Variants in POT1 observed in about 807,000 individuals in gnomAD.
POT1 encodes the protein protection of telomeres 1, also known as protection of telomeres protein 1.
POT1 carries 47 observed loss-of-function variants against 78.5 expected under a neutral mutation model. The ratio of observed to expected loss-of-function variants is 0.60; its 90% CI spans 0.47 to 0.76. The LOEUF (loss-of-function observed/expected upper bound fraction) is 0.76, where lower values mean the gene tolerates loss of function less well. POT1 is among the 30% of genes least tolerant of loss of function. The pLI, the probability that POT1 is intolerant of heterozygous loss-of-function variation, is 0.00. For synonymous variants in POT1, 259 were observed against 260.7 expected (o/e 0.99, Z 0.06); for missense variants, 646 against 749.9 (o/e 0.86, Z 1.62).
intron 7 of POT1, among the ~76,000 whole-genome samples, chr7:124,868,576 C>T (rs902625359): frequency 2.6e-5 from 4 of 151,350 alleles, no homozygotes; most frequent in Non-Finnish European, 5.9e-5. Flanking sequence ...TTTCAAAATA[C>T]TAAACATTTC....
At chr7:124,844,719 C>T (rs1204879927) in intron 12 of POT1, among the ~76,000 whole-genome samples, 3 of 105,664 alleles carry the variant, frequency 2.8e-5, no homozygotes, top group South Asian at 3.4e-4. Flanking sequence ...TGGGCGACAG[C>T]GAGACTCCGC....
intron 11 of POT1, among the ~76,000 whole-genome samples, chr7:124,847,647 T>TA (rs1277161144): frequency 6.6e-6 from 1 of 152,250 alleles, no homozygotes; most frequent in Non-Finnish European, 1.5e-5. Context: ...CTTCAAGACT[T>TA]ACTATAAACT....
At chr7:124,891,394 T>G (rs117284202) in intron 6 of POT1, among the ~76,000 whole-genome samples, 1,756 of 151,774 alleles carry the variant, frequency 0.012, 20 homozygotes, top group South Asian at 0.035. Context: ...TCATTTAGCC[T>G]ATGTGTGTCC....
At chr7:124,915,370 G>A (rs1370382576) in intron 3 of POT1, among the ~76,000 whole-genome samples, 1 of 152,118 alleles carries the variant, frequency 6.6e-6, no homozygotes, top group African/African-American at 2.4e-5. Flanking sequence ...TATGTAACAT[G>A]TTAAAAGCCA....
chr7:124,833,107 AT>A (rs1460825629), intron 15 of POT1, among the ~76,000 whole-genome samples: 1 of 152,066 alleles, frequency 6.6e-6, no homozygotes, highest in African/African-American at 2.4e-5. Flanking sequence ...ATTAAAAATC[AT>A]TTTATTTTCA....
chr7:124,862,234 C>T (rs1795615305), intron 8 of POT1, among the ~76,000 whole-genome samples: 1 of 152,124 alleles, frequency 6.6e-6, no homozygotes, highest in African/African-American at 2.4e-5. Context: ...ACTATTTCAG[C>T]TAAAAGTTGG....
intron 16 of POT1, chr7:124,828,832 C>A: frequency 4.0e-6 from 2 of 500,798 alleles, no homozygotes; most frequent in Admixed American, 2.0e-5. Context: ...AAAACAAAAC[C>A]AAGTGTACAA....
chr7:124,893,703 T>C (rs1039059235), intron 5 of POT1, among the ~76,000 whole-genome samples: 1 of 151,620 alleles, frequency 6.6e-6, no homozygotes, highest in East Asian at 1.9e-4. Context: ...AACCCATGCA[T>C]TAATGTGAAG....
chr7:124,926,766 C>A (rs1199667009), intron 2 of POT1, among the ~76,000 whole-genome samples: 1 of 152,158 alleles, frequency 6.6e-6, no homozygotes, highest in Non-Finnish European at 1.5e-5. Context: ...GAAATTATGT[C>A]TTTTGCAGCA....
chr7:124,871,730 A>ATT (rs1562997652), intron 6 of POT1, among the ~76,000 whole-genome samples: 1 of 100,138 alleles, frequency 1.0e-5, no homozygotes, highest in African/African-American at 3.9e-5. Context: ...CCTGCCTTAA[A>ATT]ATTTTTTTTT....
rs1377594973 is a variant in POT1, at chr7:124,863,598, C to T, written c.298G>A (p.Gly100Ser). ...KKETQGITSSGFASLTFEGTL... is the reference protein window; with the variant it reads ...KKETQGITSSSFASLTFEGTL... ...CCCTCAAACGTCAAAGATGCAAAGC[C>T]AGAGCTGGTGATACCCTGAGTCTCC... The change falls in exon 8 of 19, where the codon GGC (glycine) becomes AGC (serine). Residue 100 changes from glycine (G) to serine (S), a missense_variant. Gly to Ser is a moderately conservative substitution (Grantham distance 56, BLOSUM62 0). Transcript: ENST00000357628. The T allele has an allele frequency of 6.2e-7, 1 of 1,613,634 alleles. No homozygotes were observed. The highest frequency in any genetic ancestry group is 1.3e-5 in the African/African-American group (1 of 74,874).
At chr7:124,828,897 A>G (rs1246470217) in intron 16 of POT1, 2 of 544,192 alleles carry the variant, frequency 3.7e-6, no homozygotes, top group Admixed American at 3.8e-5. Context: ...GTCCAGTTTC[A>G]GGTAAATAAT....
chr7:124,902,914 A>C (rs888893649), intron 3 of POT1, among the ~76,000 whole-genome samples: 2 of 152,214 alleles, frequency 1.3e-5, no homozygotes, highest in African/African-American at 4.8e-5. Context: ...AACAAAGATC[A>C]GAAGAGACAC....
At chr7:124,878,522 TG>T (rs1796043656) in intron 6 of POT1, among the ~76,000 whole-genome samples, 1 of 152,214 alleles carries the variant, frequency 6.6e-6, no homozygotes, top group Non-Finnish European at 1.5e-5. Flanking sequence ...GTAATGGATA[TG>T]TTAATTAGCT....
At chr7:124,838,694 C>T (rs1794953877) in intron 14 of POT1, among the ~76,000 whole-genome samples, 1 of 152,128 alleles carries the variant, frequency 6.6e-6, no homozygotes, top group Non-Finnish European at 1.5e-5. Flanking sequence ...CAACCTCCGC[C>T]TCCCGGGTTC....
intron 3 of POT1, among the ~76,000 whole-genome samples, chr7:124,899,853 T>C (rs1178516089): frequency 6.6e-6 from 1 of 152,134 alleles, no homozygotes; most frequent in Non-Finnish European, 1.5e-5. Context: ...TTTTTTCTAT[T>C]TTCCTGTAGA....
chr7:124,877,389 T>C (rs890871783), intron 6 of POT1, among the ~76,000 whole-genome samples: 2 of 151,952 alleles, frequency 1.3e-5, no homozygotes, highest in Non-Finnish European at 2.9e-5. Flanking sequence ...TCTCCAGCAA[T>C]ACAATGGGAA....
At chr7:124,866,967 A>T (rs1256075623) in intron 7 of POT1, among the ~76,000 whole-genome samples, 1 of 152,112 alleles carries the variant, frequency 6.6e-6, no homozygotes, top group Non-Finnish European at 1.5e-5. Flanking sequence ...TTTATACTCC[A>T]ATGTCTGATT....
At chr7:124,882,171 A>C (rs1796134214) in intron 6 of POT1, among the ~76,000 whole-genome samples, 1 of 152,046 alleles carries the variant, frequency 6.6e-6, no homozygotes, top group Admixed American at 6.6e-5. Flanking sequence ...GCATGCATGC[A>C]TAAATTACAC....
Sources: allele counts gnomAD v4.1 joint callset (sites outside exome capture counted in the v4.1 genomes callset), GRCh38; gene constraint gnomAD v4.1.1; transcripts MANE v1.5; gene names NCBI Gene and HGNC (gene_info 2026-07-23, HGNC 2026-07-21).